The following UBAP1 variants were observed in gnomAD, a reference collection of about 807,000 sequenced individuals.
UBAP1 encodes the protein ubiquitin associated protein 1, also known as ubiquitin-associated protein 1.
A neutral mutation model predicts 39.0 loss-of-function variants in UBAP1; 5 were observed. The observed-to-expected ratio is 0.13, with a 90% CI of 0.07 to 0.27. The LOEUF (loss-of-function observed/expected upper bound fraction) is 0.27, where lower values mean the gene tolerates loss of function less well. UBAP1 is among the 10% of genes least tolerant of loss of function. The pLI is 1.00. For synonymous variants in UBAP1, 211 were observed against 225.1 expected, an observed-to-expected ratio of 0.94 and a Z score of 0.56; for missense variants, 490 against 608.1, an observed-to-expected ratio of 0.81 and a Z score of 2.04.
chr9:34,238,929 A>G (rs184555811), intron 3 of UBAP1, among the ~76,000 whole-genome samples: 24 of 152,360 alleles, frequency 1.6e-4, no homozygotes, highest in African/African-American at 5.8e-4. Flanking sequence ...TGAAGCACCA[A>G]TAAAAGCATG....
chr9:34,187,944 G>T (rs917306473), intron 1 of UBAP1, among the ~76,000 whole-genome samples: 2 of 151,110 alleles, frequency 1.3e-5, no homozygotes, highest in Admixed American at 1.3e-4. Context: ...TGGTGGCATT[G>T]ATTTTTCTAT....
Position 34,241,886 on chromosome 9 carries a change from C to G in UBAP1, c.861C>G (p.Phe287Leu), listed in dbSNP as rs1265117533. 1 of 1,614,168 alleles carries G rather than the reference C, an allele frequency of 6.2e-7. No individual in the cohort carries two copies. The highest frequency in any genetic ancestry group is 2.2e-5 in the East Asian group (1 of 44,870). ...NQKTAKLAST[F>L]HSTSCLRNGT... ...AGACAGCCAAGCTGGCGAGCACTTT[C>G]CATAGCACATCCTGCCTCCGCAATG... is the stretch of plus-strand genomic sequence containing the variant. The change falls in exon 4 of 7, where the codon TTC becomes TTG. Residue 287 changes from phenylalanine to leucine, a missense_variant. Phe to Leu is a conservative substitution (Grantham distance 22). Transcript: ENST00000297661.
At chr9:34,214,868 A>T (rs1832211726) in intron 1 of UBAP1, among the ~76,000 whole-genome samples, 1 of 152,234 alleles carries the variant, frequency 6.6e-6, no homozygotes, top group South Asian at 2.1e-4. Flanking sequence ...GCCAACAAAC[A>T]TGAAAAATGC....
chr9:34,241,473 A>T lies in UBAP1; in HGVS notation c.448A>T (p.Ile150Leu). The T allele has an allele frequency of 6.2e-7, 1 of 1,613,648 alleles. No homozygotes were observed. Among genetic ancestry groups the T allele is most frequent in the East Asian group, 2.2e-5 (1 of 44,872 alleles). The change falls in exon 4 of 7, where the codon ATA becomes TTA. Residue 150 changes from isoleucine (I) to leucine (L), a missense_variant. Physicochemically the swap from Ile to Leu is conservative, Grantham distance 5. Around this residue, in one of 3 missense-constraint regions of UBAP1, gnomAD observed 144 missense variants for 184.4 expected, o/e 0.78. Coordinates refer to ENST00000297661, the MANE Select transcript of UBAP1 (RefSeq NM_016525.5). ...TKQKVLSPPH[I>L]KADFNLADFE... ...ACAGAAAGTTCTCAGCCCACCTCAC[A>T]TAAAGGCGGATTTCAATCTTGCTGA...
At position 34,224,288 on chromosome 9, in the gene UBAP1, G is replaced by A. The variant is rs908419148; in HGVS notation, c.34+3340G>A. ...GTGGGACTCGTACCACTGTCCATAC[G>A]GTGTGCTGTCGATGAGTATGGTGTG... On this transcript the variant is annotated intron_variant, in intron 2 of 6. Coordinates refer to ENST00000297661, the MANE Select transcript of UBAP1 (RefSeq NM_016525.5). 3.8e-5 allele frequency: 17 copies of A among 452,706 alleles called. No individual in the cohort carries two copies. In the East Asian group the frequency reaches 5.3e-4, roughly 14 times the overall value. The allele number at this position is 452,706 out of a possible 1,614,324, so 28.0% of individuals were successfully genotyped here. A position where few individuals can be genotyped will look rare whatever the true frequency, so the allele number is the denominator to read the frequency against.
chr9:34,188,112 TA>T (rs10712662), intron 1 of UBAP1, among the ~76,000 whole-genome samples: 77,147 of 139,522 alleles, frequency 0.55, 21,542 homozygotes, highest in East Asian at 0.93. Flanking sequence ...TTGGGTTCAC[TA>T]AAAAAAAAAA....
intron 2 of UBAP1, among the ~76,000 whole-genome samples, chr9:34,232,152 G>A (rs1456023858): frequency 6.6e-6 from 1 of 151,986 alleles, no homozygotes; most frequent in African/African-American, 2.4e-5. Context: ...GTGCCACTAC[G>A]CCCGGTGCAG....
intron 1 of UBAP1, among the ~76,000 whole-genome samples, chr9:34,193,647 A>C (rs1186665742): frequency 6.6e-6 from 1 of 152,198 alleles, no homozygotes; most frequent in African/African-American, 2.4e-5. Flanking sequence ...TCAGGGAAAC[A>C]CTGAAATTTA....
At chr9:34,182,681 TTC>T (rs1437312393) in intron 1 of UBAP1, among the ~76,000 whole-genome samples, 3 of 115,496 alleles carry the variant, frequency 2.6e-5, no homozygotes, top group Admixed American at 9.1e-5. Flanking sequence ...CTTTCTTTCT[TTC>T]TCTCTCTCTT....
At chr9:34,198,753 C>G (rs538542075) in intron 1 of UBAP1, among the ~76,000 whole-genome samples, 2 of 152,276 alleles carry the variant, frequency 1.3e-5, no homozygotes, top group South Asian at 4.1e-4. Context: ...CTGGAAAGCA[C>G]CCTGGAAAGC....
intron 1 of UBAP1, among the ~76,000 whole-genome samples, chr9:34,207,498 G>A (rs369176765): frequency 4.6e-5 from 7 of 151,350 alleles, no homozygotes; most frequent in East Asian, 3.9e-4. Context: ...TGAATATCCC[G>A]CTCAAGAGTA....
intron 2 of UBAP1, among the ~76,000 whole-genome samples, chr9:34,226,115 G>GTGTGTGTGTGTGTGTGTGTT (rs1833048740): frequency 1.1e-5 from 1 of 92,732 alleles, no homozygotes; most frequent in African/African-American, 3.2e-5. Flanking sequence ...TTGTGTGTGT[G>GTGTGTGTGTGTGTGTGTGTT]TGTGTGTGTG....
At chr9:34,250,094 T>G in intron 5 of UBAP1, 133 bp downstream of exon 5, 1 of 951,278 alleles carries the variant, frequency 1.1e-6, no homozygotes, top group Non-Finnish European at 1.5e-6. Flanking sequence ...ACGGGGCATG[T>G]TTTGGGGAAA....
intron 1 of UBAP1, among the ~76,000 whole-genome samples, chr9:34,196,231 C>G (rs116438814): frequency 6.6e-6 from 1 of 150,994 alleles, no homozygotes; most frequent in Non-Finnish European, 1.5e-5. Context: ...CTCGACCTTT[C>G]GGGCTGAAGT....
At chr9:34,222,689 C>T (rs1832825293) in intron 2 of UBAP1, among the ~76,000 whole-genome samples, 1 of 151,888 alleles carries the variant, frequency 6.6e-6, no homozygotes, top group East Asian at 1.9e-4. Flanking sequence ...CTCAGCTACT[C>T]GGGAGGCTGA....
intron 2 of UBAP1, among the ~76,000 whole-genome samples, chr9:34,225,501 G>A (rs966807479): frequency 6.6e-6 from 1 of 151,952 alleles, no homozygotes; most frequent in Non-Finnish European, 1.5e-5. Context: ...CCTCTGGCTG[G>A]GCGCGGTGGC....
chr9:34,204,549 T>C (rs1347442869), intron 1 of UBAP1, among the ~76,000 whole-genome samples: 40 of 152,142 alleles, frequency 2.6e-4, no homozygotes, highest in Admixed American at 2.6e-3. Context: ...CTTTTTAATA[T>C]GTATAAGACT....
chr9:34,184,033 G>A (rs1830239180), intron 1 of UBAP1, among the ~76,000 whole-genome samples: 1 of 152,094 alleles, frequency 6.6e-6, no homozygotes, highest in South Asian at 2.1e-4. Flanking sequence ...GCCTCCCAAA[G>A]TGCTGGGATT....
intron 2 of UBAP1, among the ~76,000 whole-genome samples, chr9:34,223,509 C>T (rs896316349): frequency 2.0e-5 from 3 of 152,136 alleles, no homozygotes; most frequent in Non-Finnish European, 4.4e-5. Flanking sequence ...GGCTGGAGTG[C>T]AGTAGCACGA....
Sources: gnomAD v4.1 joint callset for allele counts (sites outside exome capture counted in the v4.1 genomes callset) on GRCh38, gnomAD v4.1.1 for gene constraint, gnomAD v4.1.1 regional missense constraint, MANE v1.5 for transcripts, NCBI Gene and HGNC (gene_info 2026-07-23, HGNC 2026-07-21) for gene names.